Variants in SHISA9 observed in about 807,000 individuals in gnomAD.
SHISA9 encodes the protein protein shisa-9.
In SHISA9, 13 loss-of-function variants were observed where a neutral mutation model predicts 38.0. The observed-to-expected ratio is 0.34, with a 90% confidence interval of 0.22 to 0.54. The LOEUF (loss-of-function observed/expected upper bound fraction) is 0.54, where lower values mean the gene tolerates loss of function less well. SHISA9 is among the 20% of genes least tolerant of loss of function. SHISA9 has a pLI of 0.91. For missense variants in SHISA9, 538 were observed against 575.8 expected, an observed-to-expected ratio of 0.93 and a Z score of 0.67; for synonymous variants, 275 against 242.0, an observed-to-expected ratio of 1.14 and a Z score of -1.27.
chr16:12,917,562 A>G (rs1377978594), intron 2 of SHISA9, among the ~76,000 whole-genome samples: 1 of 152,204 alleles, frequency 6.6e-6, no homozygotes, highest in African/African-American at 2.4e-5. Context: ...AGGTCTGTAT[A>G]TACAATATAC....
chr16:13,377,147 C>T, the SHISA9 span, among the ~76,000 whole-genome samples: 3 of 152,186 alleles, frequency 2.0e-5, no homozygotes, highest in Non-Finnish European at 4.4e-5. Flanking sequence ...AATGGGTGAG[C>T]CCCAAGAGCT....
intron 2 of SHISA9, among the ~76,000 whole-genome samples, chr16:13,149,693 G>A (rs1347236461): frequency 5.9e-5 from 9 of 152,066 alleles, no homozygotes; most frequent in African/African-American, 2.2e-4. Flanking sequence ...GGGAGGCTAA[G>A]GCAGGTGGAT....
At chr16:13,378,186 A>T in the SHISA9 span, among the ~76,000 whole-genome samples, 8 of 152,248 alleles carry the variant, frequency 5.3e-5, no homozygotes, top group Admixed American at 4.6e-4. Context: ...CAAGAGAAGA[A>T]GTTAATGACC....
Position 13,026,246 on chromosome 16 carries a change from C to CT in SHISA9, c.691+109431_691+109432insT, listed in dbSNP as rs918512014. ...AACTCCCAATTTTCCCCTCCCTATC[C>CT]CCCGGCAACTACCCTTCTACTTTCT... On this transcript the variant is annotated intron_variant, in intron 2 of 4. Transcript: ENST00000558583. Among the ~76,000 whole-genome samples the CT allele has an allele frequency of 5.1e-3, 3 of 586 alleles. No individual in the cohort carries two copies. In the Admixed American group the frequency reaches 0.15, roughly 29 times the overall value. The allele number at this position is 586 out of a possible 152,430, so 0.4% of individuals were successfully genotyped here. A position where few individuals can be genotyped will look rare whatever the true frequency, so the allele number is the denominator to read the frequency against.
chr16:13,247,441 A>G, the SHISA9 span, among the ~76,000 whole-genome samples: 16 of 152,340 alleles, frequency 1.1e-4, no homozygotes, highest in African/African-American at 3.6e-4. Flanking sequence ...CTGAGAGGTT[A>G]AATGTCTTAC....
chr16:13,433,965 C>G, the SHISA9 span, among the ~76,000 whole-genome samples: 1 of 152,172 alleles, frequency 6.6e-6, no homozygotes, highest in African/African-American at 2.4e-5. Flanking sequence ...AGTATTGACT[C>G]ACACGATCAC....
At chr16:13,280,117 C>CTTTTTTT in the SHISA9 span, among the ~76,000 whole-genome samples, 180 of 102,762 alleles carry the variant, frequency 1.8e-3, no homozygotes, top group African/African-American at 2.4e-3. Context: ...CTCTCTTTCT[C>CTTTTTTT]TTTTTTTTTT....
At chr16:13,485,200 C>T in the SHISA9 span, among the ~76,000 whole-genome samples, 1 of 151,902 alleles carries the variant, frequency 6.6e-6, no homozygotes, top group Non-Finnish European at 1.5e-5. Context: ...TTGCCCCGCA[C>T]CCCCCGACAG....
chr16:13,308,007 G>A, the SHISA9 span, among the ~76,000 whole-genome samples: 1 of 152,122 alleles, frequency 6.6e-6, no homozygotes, highest in Non-Finnish European at 1.5e-5. Context: ...TACAGACCAG[G>A]GAAAATTTGT....
intron 2 of SHISA9, among the ~76,000 whole-genome samples, chr16:13,052,567 TA>T (rs375128967): frequency 1.4e-3 from 208 of 152,330 alleles, no homozygotes; most frequent in African/African-American, 4.8e-3. Flanking sequence ...GAACCCAATC[TA>T]TGGCAGAAAT....
the SHISA9 span, among the ~76,000 whole-genome samples, chr16:13,375,773 CTAAG>C: frequency 6.6e-6 from 1 of 152,046 alleles, no homozygotes; most frequent in South Asian, 2.1e-4. Flanking sequence ...TAAAGAAGAC[CTAAG>C]TAAGTGGAAA....
At chr16:13,061,500 G>T (rs1381887880) in intron 2 of SHISA9, among the ~76,000 whole-genome samples, 4 of 152,116 alleles carry the variant, frequency 2.6e-5, no homozygotes, top group African/African-American at 9.7e-5. Context: ...TGCACTGTCC[G>T]GATTAAAGGG....
At chr16:13,536,193 T>A in the SHISA9 span, among the ~76,000 whole-genome samples, 1 of 152,092 alleles carries the variant, frequency 6.6e-6, no homozygotes, top group Non-Finnish European at 1.5e-5. Flanking sequence ...GAGATGGGGT[T>A]TCACTATGTT....
At chr16:13,415,928 C>T in the SHISA9 span, among the ~76,000 whole-genome samples, 1 of 151,714 alleles carries the variant, frequency 6.6e-6, no homozygotes, top group South Asian at 2.1e-4. Flanking sequence ...CAGGTAAAAA[C>T]TAATCTTTGG....
At chr16:13,441,287 C>G in the SHISA9 span, among the ~76,000 whole-genome samples, 1 of 152,166 alleles carries the variant, frequency 6.6e-6, no homozygotes, top group Non-Finnish European at 1.5e-5. Flanking sequence ...ACAAAACTTT[C>G]CTCACTGTCA....
At chr16:13,181,250 T>G (rs915837937) in intron 2 of SHISA9, among the ~76,000 whole-genome samples, 1 of 140,012 alleles carries the variant, frequency 7.1e-6, no homozygotes, top group African/African-American at 2.6e-5. Flanking sequence ...CAAGAAAGTC[T>G]TTCCTAAAAT....
Position 13,021,996 on chromosome 16 carries a change from C to G in SHISA9, c.691+105181C>G, listed in dbSNP as rs2072861486. 2.6e-5 allele frequency among the ~76,000 whole-genome samples: 4 copies of G among 152,252 alleles called. No individual in the cohort carries two copies. The South Asian group carries it at 8.3e-4, about 32-fold the overall frequency. On this transcript the variant is annotated intron_variant, in intron 2 of 4. Coordinates refer to ENST00000558583, the MANE Select transcript of SHISA9 (RefSeq NM_001145204.3). ...ATCAAGGCTTTGGTGGGGCTGCGCT[C>G]CCTCTGAGGTCTCGAGAGAGAATTC... is the stretch of plus-strand genomic sequence containing the variant.
chr16:13,524,448 G>C, the SHISA9 span, among the ~76,000 whole-genome samples: 1 of 152,210 alleles, frequency 6.6e-6, no homozygotes, highest in Non-Finnish European at 1.5e-5. Context: ...TTTCAAGACT[G>C]CTTTCAGCCT....
At chr16:13,553,374 C>T in the SHISA9 span, among the ~76,000 whole-genome samples, 1 of 152,186 alleles carries the variant, frequency 6.6e-6, no homozygotes, top group African/African-American at 2.4e-5. Flanking sequence ...CTACGCTAGG[C>T]ACTGTGCTTT....
Sources: gnomAD v4.1 joint callset for allele counts (sites outside exome capture counted in the v4.1 genomes callset) on GRCh38, gnomAD v4.1.1 for gene constraint, MANE v1.5 for transcripts, NCBI Gene and HGNC (gene_info 2026-07-23, HGNC 2026-07-21) for gene names.